The following IL1RAPL2 variants were observed in gnomAD, a reference collection of about 807,000 sequenced individuals.
IL1RAPL2 encodes the protein interleukin 1 receptor accessory protein like 2, also known as X-linked interleukin-1 receptor accessory protein-like 2.
Under a neutral mutation model 44.1 loss-of-function variants are expected in IL1RAPL2, and 3 were observed. That is an observed-to-expected ratio of 0.07 (90% CI 0.03 to 0.18). The LOEUF is 0.18. Among genes scored for constraint, IL1RAPL2 ranks in the 10% least tolerant of loss-of-function variants. The pLI, the probability that IL1RAPL2 is intolerant of heterozygous loss-of-function variation, is 1.00. For synonymous variants in IL1RAPL2, 181 were observed against 178.8 expected (o/e 1.01, Z -0.10); for missense variants, 391 against 496.4 (o/e 0.79, Z 2.02).
rs1922600760 is a variant in IL1RAPL2, at chrX:104,865,846, T to C, written c.82+206851T>C. Among the ~76,000 whole-genome samples the C allele has an allele frequency of 1.8e-5, 2 of 112,688 alleles. 1 individual carries two copies. The highest frequency in any genetic ancestry group is 1.9e-4 in the Admixed American group (2 of 10,711). On this transcript the variant is annotated intron_variant, in intron 2 of 10. Coordinates refer to ENST00000372582, the MANE Select transcript of IL1RAPL2 (RefSeq NM_017416.2). ...GCTGCACTGTCAGCTTCCCTACTCT[T>C]GAGGTTTTGGGACTCAGACTGGCTT...
At chrX:104,796,848 G>T (rs1037576454) in intron 2 of IL1RAPL2, among the ~76,000 whole-genome samples, 16 of 111,415 alleles carry the variant, frequency 1.4e-4, no homozygotes, top group African/African-American at 5.2e-4. Context: ...TCAGCTCACT[G>T]CAACCTCCAC....
intron 2 of IL1RAPL2, among the ~76,000 whole-genome samples, chrX:105,102,133 T>C (rs1023751969): frequency 8.9e-6 from 1 of 111,887 alleles, no homozygotes; most frequent in East Asian, 2.8e-4. Context: ...TGGTAAATTA[T>C]ACATTTAGCT....
intron 5 of IL1RAPL2, among the ~76,000 whole-genome samples, chrX:105,305,343 C>T (rs1244108468): frequency 2.7e-5 from 3 of 110,023 alleles, no homozygotes; most frequent in African/African-American, 1.0e-4. Flanking sequence ...GTGTTCTTCA[C>T]ACACATACAC....
rs141365702 is a variant in IL1RAPL2 at position 105,142,776 on chromosome X, C to T, written c.83-52699C>T. Among the ~76,000 whole-genome samples, 522 of 109,671 alleles carry T rather than the reference C, an allele frequency of 4.8e-3. 5 individuals carry two copies. Among genetic ancestry groups the T allele is most frequent in the African/African-American group, 0.016 (479 of 30,099 alleles). On this transcript the variant is annotated intron_variant, in intron 2 of 10. Coordinates refer to ENST00000372582, the MANE Select transcript of IL1RAPL2 (RefSeq NM_017416.2). ...TATATCTCCTAATGCATCCCTCCCCCCTACCCTCACCCCACAACAGTCCCC... is the reference window on the plus strand; with the variant it reads ...TATATCTCCTAATGCATCCCTCCCCTCTACCCTCACCCCACAACAGTCCCC...
At chrX:105,691,120 A>G (rs1468225086) in intron 6 of IL1RAPL2, among the ~76,000 whole-genome samples, 1 of 111,471 alleles carries the variant, frequency 9.0e-6, no homozygotes, top group Non-Finnish European at 1.9e-5. Flanking sequence ...TTAGGGCTTC[A>G]ACATATGAAT....
intron 7 of IL1RAPL2, among the ~76,000 whole-genome samples, chrX:105,729,785 G>C (rs2038385332): frequency 9.4e-6 from 1 of 106,267 alleles, no homozygotes; most frequent in South Asian, 4.1e-4. Flanking sequence ...ACACAAATGA[G>C]AAAGAGAAAG....
At chrX:105,644,078 A>G (rs905398301) in intron 6 of IL1RAPL2, among the ~76,000 whole-genome samples, 1 of 110,515 alleles carries the variant, frequency 9.0e-6, no homozygotes, top group African/African-American at 3.3e-5. Context: ...TTTTTAGTAG[A>G]GACAGGGTTT....
At chrX:104,763,712 A>G (rs147373444) in intron 2 of IL1RAPL2, among the ~76,000 whole-genome samples, 2,953 of 111,412 alleles carry the variant, frequency 0.027, 36 homozygotes, top group Middle Eastern at 0.06. Context: ...AAAGCCACTT[A>G]TAAAACCATC....
intron 2 of IL1RAPL2, among the ~76,000 whole-genome samples, chrX:104,981,213 A>G (rs2030433802): frequency 9.1e-6 from 1 of 109,715 alleles, no homozygotes; most frequent in Non-Finnish European, 1.9e-5. Flanking sequence ...GGTTCAGTGT[A>G]CAGATAATTT....
chrX:105,536,756 T>C (rs2036680352), intron 6 of IL1RAPL2, among the ~76,000 whole-genome samples: 1 of 112,160 alleles, frequency 8.9e-6, no homozygotes, highest in East Asian at 2.8e-4. Flanking sequence ...TAGCAAACTT[T>C]TAAGTGTTTT....
chrX:105,186,986 A>G (rs1277431012), intron 2 of IL1RAPL2, among the ~76,000 whole-genome samples: 1 of 111,475 alleles, frequency 9.0e-6, no homozygotes, highest in African/African-American at 3.3e-5. Flanking sequence ...ATCATGCTAT[A>G]CTTCACCAAC....
At chrX:105,618,473 G>T (rs2037394843) in intron 6 of IL1RAPL2, among the ~76,000 whole-genome samples, 1 of 111,245 alleles carries the variant, frequency 9.0e-6, no homozygotes, top group Admixed American at 9.6e-5. Flanking sequence ...AAGAAGTATG[G>T]TTGGAAATGA....
chrX:105,284,933 G>T (rs985052878), intron 5 of IL1RAPL2, among the ~76,000 whole-genome samples: 1 of 111,701 alleles, frequency 9.0e-6, no homozygotes, highest in African/African-American at 3.3e-5. Context: ...ATGTCAGGAA[G>T]AATAATTCAT....
intron 2 of IL1RAPL2, among the ~76,000 whole-genome samples, chrX:104,906,240 T>A (rs1167283517): frequency 9.0e-6 from 1 of 111,627 alleles, no homozygotes; most frequent in Non-Finnish European, 1.9e-5. Context: ...TACAATCATG[T>A]CATCTGCAAA....
At chrX:104,983,438 TAGATACATAATATTATATA>T (rs1290771238) in intron 2 of IL1RAPL2, among the ~76,000 whole-genome samples, 1,069 of 32,738 alleles carry the variant, frequency 0.033, 23 homozygotes, top group African/African-American at 0.23. Flanking sequence ...TAATATATAA[TAGATACATAATATTATATA>T]ATATTAGATA....
chrX:105,057,030 T>C (rs890961464), intron 2 of IL1RAPL2, among the ~76,000 whole-genome samples: 4 of 111,853 alleles, frequency 3.6e-5, no homozygotes, highest in Admixed American at 9.5e-5. Context: ...ATGGCCATTA[T>C]TGCCCAGTAA....
At chrX:104,889,275 A>G (rs1232894207) in intron 2 of IL1RAPL2, among the ~76,000 whole-genome samples, 1 of 109,492 alleles carries the variant, frequency 9.1e-6, no homozygotes, top group Non-Finnish European at 1.9e-5. Flanking sequence ...TCTTTCAACC[A>G]CTCTCTCAAA....
At chrX:105,041,584 A>G (rs1279409090) in intron 2 of IL1RAPL2, among the ~76,000 whole-genome samples, 1 of 110,534 alleles carries the variant, frequency 9.0e-6, no homozygotes, top group Non-Finnish European at 1.9e-5. Flanking sequence ...AGAGGATACA[A>G]ACAAATGGAA....
chrX:105,442,185 G>T (rs1252050259), intron 5 of IL1RAPL2, among the ~76,000 whole-genome samples: 1 of 109,674 alleles, frequency 9.1e-6, no homozygotes, highest in Non-Finnish European at 1.9e-5. Context: ...CAAGTAGCTG[G>T]GACTACAGGT....
Sources: gnomAD v4.1 joint callset for allele counts (sites outside exome capture counted in the v4.1 genomes callset) on GRCh38, gnomAD v4.1.1 for gene constraint, MANE v1.5 for transcripts, NCBI Gene and HGNC (gene_info 2026-07-23, HGNC 2026-07-21) for gene names.